FABP6: variants seen among roughly 807,000 people sequenced by gnomAD.
FABP6 encodes fatty acid binding protein 6.
Under a neutral mutation model 14.9 loss-of-function variants are expected in FABP6, and 13 were observed. That is an observed-to-expected ratio of 0.87 (90% CI 0.57 to 1.39). The LOEUF (loss-of-function observed/expected upper bound fraction) is 1.39, where lower values mean the gene tolerates loss of function less well. Among genes scored for constraint, FABP6 ranks in the 40% most tolerant of loss-of-function variants. The pLI, the probability that FABP6 is intolerant of heterozygous loss-of-function variation, is 0.00. For missense variants in FABP6, 161 were observed against 167.2 expected (o/e 0.96, Z 0.20); for synonymous variants, 75 against 63.6 (o/e 1.18, Z -0.85).
intron 2 of FABP6, among the ~76,000 whole-genome samples, chr5:160,202,366 C>A (rs1365498869): frequency 6.6e-6 from 1 of 152,136 alleles, no homozygotes; most frequent in African/African-American, 2.4e-5. Context: ...CAAATATATA[C>A]AAACATACAA....
At chr5:160,208,845 C>T (rs1276687890) in intron 2 of FABP6, among the ~76,000 whole-genome samples, 4 of 148,380 alleles carry the variant, frequency 2.7e-5, no homozygotes, top group African/African-American at 7.5e-5. Flanking sequence ...GGTGTGATCT[C>T]GGCTCACTGC....
At chr5:160,206,885 A>T (rs903552800) in intron 2 of FABP6, among the ~76,000 whole-genome samples, 1 of 152,226 alleles carries the variant, frequency 6.6e-6, no homozygotes, top group Non-Finnish European at 1.5e-5. Flanking sequence ...GCACCAAGGC[A>T]AGCTGTGATT....
upstream of FABP6, among the ~76,000 whole-genome samples, chr5:160,225,139 C>T (rs534036282): frequency 9.2e-5 from 14 of 151,776 alleles, no homozygotes; most frequent in East Asian, 3.9e-4. Context: ...CACTATTGCC[C>T]GGGCTAGAGT....
chr5:160,233,407 T>C (rs1381356242), intron 2 of FABP6, among the ~76,000 whole-genome samples: 1 of 152,068 alleles, frequency 6.6e-6, no homozygotes, highest in Non-Finnish European at 1.5e-5. Flanking sequence ...GGGCAAGTCA[T>C]TTCACTCCCC....
At chr5:160,222,495 G>A (rs764434558) in intron 3 of FABP6, among the ~76,000 whole-genome samples, 4 of 151,858 alleles carry the variant, frequency 2.6e-5, no homozygotes, top group African/African-American at 4.8e-5. Flanking sequence ...CACCACACCC[G>A]GCTAATTTTT....
At chr5:160,198,248 A>C (rs1759557291) in intron 1 of FABP6, 2 of 152,208 alleles carry the variant, frequency 1.3e-5, no homozygotes, top group African/African-American at 4.8e-5. Context: ...GATTCAGGCC[A>C]GAAGGGGTGC....
chr5:160,190,309 C>G (rs967846363), intron 1 of FABP6, among the ~76,000 whole-genome samples: 2 of 151,684 alleles, frequency 1.3e-5, no homozygotes, highest in Admixed American at 1.3e-4. Context: ...CTCGGCTCAC[C>G]GCAACCTCCA....
chr5:160,210,104 G>A (rs987283721), intron 2 of FABP6, among the ~76,000 whole-genome samples: 1 of 152,136 alleles, frequency 6.6e-6, no homozygotes, highest in Non-Finnish European at 1.5e-5. Context: ...ATCACAGAAA[G>A]GGCTCTGACC....
intron 1 of FABP6, chr5:160,198,794 C>T (rs1759568111): frequency 5.2e-6 from 2 of 383,472 alleles, no homozygotes; most frequent in African/African-American, 4.1e-5. Flanking sequence ...TCAGACATGC[C>T]TTCCCTGCCC....
rs375394303 is a variant in FABP6, at chr5:160,194,245, C to G, written c.-58-4804C>G. On this transcript the variant is annotated intron_variant, in intron 1 of 6. Coordinates refer to the FABP6 transcript ENST00000393980. ...GCAACTCCAGCTGGCCCGCAAGCGCCGCACGCATCCGCACGCAGCCCCAGT... is the reference window on the plus strand; with the variant it reads ...GCAACTCCAGCTGGCCCGCAAGCGCGGCACGCATCCGCACGCAGCCCCAGT... Among the ~76,000 whole-genome samples, 10 of 152,228 alleles carry G rather than the reference C, an allele frequency of 6.6e-5. No homozygotes were observed. The East Asian group carries it at 9.6e-4, about 15-fold the overall frequency.
At chr5:160,235,030 T>G in intron 3 of FABP6, 121 bp downstream of exon 3, 2 of 689,130 alleles carry the variant, frequency 2.9e-6, no homozygotes, top group Non-Finnish European at 4.8e-6. Context: ...TACCAGGCTC[T>G]ATGCTGAGTG....
chr5:160,209,419 G>A (rs927299434), intron 2 of FABP6, among the ~76,000 whole-genome samples: 2 of 152,064 alleles, frequency 1.3e-5, no homozygotes, highest in Non-Finnish European at 2.9e-5. Flanking sequence ...GCTACTTGGG[G>A]GACTGAGGCA....
chr5:160,199,323 C>A (rs1302333089), intron 2 of FABP6, among the ~76,000 whole-genome samples: 1 of 152,250 alleles, frequency 6.6e-6, no homozygotes, highest in Non-Finnish European at 1.5e-5. Context: ...AGCTGTCTCT[C>A]TGTGACTGTC....
intron 2 of FABP6, among the ~76,000 whole-genome samples, chr5:160,212,858 C>T (rs1220085731): frequency 6.6e-6 from 1 of 152,184 alleles, no homozygotes; most frequent in Non-Finnish European, 1.5e-5. Context: ...CTCAAGTGAT[C>T]TGCCCGCCTC....
chr5:160,193,752 C>T (rs1425152253), intron 1 of FABP6, among the ~76,000 whole-genome samples: 1 of 152,148 alleles, frequency 6.6e-6, no homozygotes, highest in Non-Finnish European at 1.5e-5. Context: ...TAGAGAGTGC[C>T]GATTGGTGTT....
intron 3 of FABP6, among the ~76,000 whole-genome samples, chr5:160,214,820 A>G (rs900364663): frequency 2.6e-5 from 4 of 151,574 alleles, no homozygotes; most frequent in Admixed American, 6.6e-5. Flanking sequence ...AAGAAATCCC[A>G]TCAACTCAAC....
In FABP6 at chr5:160,213,706, G is replaced by A. The variant is rs1759942524; in HGVS notation, c.52-30G>A. 7 of 1,601,024 alleles carry A rather than the reference G, an allele frequency of 4.4e-6. No homozygotes were observed. In the South Asian group the frequency reaches 4.4e-5, roughly 10 times the overall value. On this transcript the variant is annotated intron_variant, in intron 2 of 6. Coordinates refer to the FABP6 transcript ENST00000393980. ...GAGATGCCCACTTGACTCAGGATAGGCCAATCAGATTATTTCTCTTCTGAC... is the reference window on the plus strand; with the variant it reads ...GAGATGCCCACTTGACTCAGGATAGACCAATCAGATTATTTCTCTTCTGAC...
intron 3 of FABP6, chr5:160,213,822 A>G (rs772163192): frequency 5.7e-5 from 92 of 1,612,616 alleles, no homozygotes; most frequent in Middle Eastern, 1.6e-4. Context: ...AAGGAAAGGT[A>G]TGGGGTAGAA....
At chr5:160,211,770 C>T (rs2421730) in intron 2 of FABP6, among the ~76,000 whole-genome samples, 1 of 152,018 alleles carries the variant, frequency 6.6e-6, no homozygotes, top group South Asian at 2.1e-4. Flanking sequence ...ACCAAGAGTC[C>T]GTGTCTGCTA....
Sources: gnomAD v4.1 joint callset for allele counts (sites outside exome capture counted in the v4.1 genomes callset) on GRCh38, gnomAD v4.1.1 for gene constraint, MANE v1.5 for transcripts, NCBI Gene and HGNC (gene_info 2026-07-23, HGNC 2026-07-21) for gene names.